Variants in NPAS3 observed in about 807,000 individuals in gnomAD.
NPAS3 encodes neuronal PAS domain protein 3.
In NPAS3, 14 loss-of-function variants were observed where a neutral mutation model predicts 73.1. The observed-to-expected ratio is 0.19, with a 90% CI of 0.13 to 0.30. NPAS3 has a LOEUF of 0.30. Among genes scored for constraint, NPAS3 ranks in the 10% least tolerant of loss-of-function variants. The pLI is 1.00. For synonymous variants in NPAS3, 620 were observed against 541.5 expected, an observed-to-expected ratio of 1.14 and a Z score of -2.01; for missense variants, 1,096 against 1,250.0, an observed-to-expected ratio of 0.88 and a Z score of 1.86.
chr14:33,325,164 TA>T (rs1008829041), intron 3 of NPAS3, among the ~76,000 whole-genome samples: 2 of 151,622 alleles, frequency 1.3e-5, no homozygotes, highest in African/African-American at 2.4e-5. Flanking sequence ...ATTTTTTTTT[TA>T]AAAAATTAAT....
At chr14:33,195,254 G>T (rs936921848) in intron 2 of NPAS3, among the ~76,000 whole-genome samples, 1 of 151,890 alleles carries the variant, frequency 6.6e-6, no homozygotes, top group Non-Finnish European at 1.5e-5. Flanking sequence ...ATTTAAAAAA[G>T]GGTTTTTTTT....
intron 3 of NPAS3, among the ~76,000 whole-genome samples, chr14:33,287,503 G>A (rs1474743799): frequency 1.3e-5 from 2 of 152,256 alleles, no homozygotes; most frequent in African/African-American, 4.8e-5. Flanking sequence ...CTGACTCCAC[G>A]TGGCTGCTGT....
chr14:33,459,007 T>C (rs1372223223), intron 4 of NPAS3, among the ~76,000 whole-genome samples: 1 of 152,228 alleles, frequency 6.6e-6, no homozygotes, highest in East Asian at 1.9e-4. Flanking sequence ...CCCATTTTTA[T>C]GGTTGTTTCT....
At chr14:33,210,490 C>G (rs573982078) in intron 2 of NPAS3, among the ~76,000 whole-genome samples, 1 of 152,302 alleles carries the variant, frequency 6.6e-6, no homozygotes, top group South Asian at 2.1e-4. Context: ...CTGGGCACCA[C>G]TTGTCCTGGG....
intron 3 of NPAS3, among the ~76,000 whole-genome samples, chr14:33,365,650 GA>G (rs1195661593): frequency 1.3e-5 from 2 of 151,912 alleles, no homozygotes; most frequent in Non-Finnish European, 2.9e-5. Flanking sequence ...TTTTCCCATT[GA>G]AAAAAATGCC....
chr14:33,300,006 G>C (rs1248877742), intron 3 of NPAS3, among the ~76,000 whole-genome samples: 1 of 152,100 alleles, frequency 6.6e-6, no homozygotes, highest in Non-Finnish European at 1.5e-5. Flanking sequence ...TTTGAAGAAT[G>C]ACAAGATTTG....
chr14:33,650,665 A>G (rs1179201784), intron 5 of NPAS3, among the ~76,000 whole-genome samples: 1 of 152,070 alleles, frequency 6.6e-6, no homozygotes, highest in Non-Finnish European at 1.5e-5. Context: ...AATAAAAGAC[A>G]TCCCCTCACA....
intron 3 of NPAS3, among the ~76,000 whole-genome samples, chr14:33,352,629 T>C (rs750480280): frequency 6.6e-6 from 1 of 152,222 alleles, no homozygotes; most frequent in Non-Finnish European, 1.5e-5. Context: ...ATTGTGCTTT[T>C]CATACTAAAC....
chr14:33,468,480 G>T (rs563154694), intron 4 of NPAS3, among the ~76,000 whole-genome samples: 10 of 152,098 alleles, frequency 6.6e-5, no homozygotes, highest in Admixed American at 5.9e-4. Flanking sequence ...TCTTTGGAGG[G>T]TCTCTTTTTT....
At chr14:33,347,568 G>A (rs2044801728) in intron 3 of NPAS3, among the ~76,000 whole-genome samples, 1 of 152,242 alleles carries the variant, frequency 6.6e-6, no homozygotes, top group Non-Finnish European at 1.5e-5. Flanking sequence ...TGTATAAAAT[G>A]AGTTGAGGGT....
At chr14:33,038,632 G>C (rs1353007642) in intron 1 of NPAS3, among the ~76,000 whole-genome samples, 1 of 152,126 alleles carries the variant, frequency 6.6e-6, no homozygotes, top group Non-Finnish European at 1.5e-5. Flanking sequence ...TTCCATGATA[G>C]TTGGATAGCA....
At chr14:33,110,566 C>CT (rs1358353386) in intron 2 of NPAS3, among the ~76,000 whole-genome samples, 11 of 152,010 alleles carry the variant, frequency 7.2e-5, no homozygotes, top group African/African-American at 2.7e-4. Context: ...ACTAATAATC[C>CT]TTAGAATATA....
rs534048079 is a variant in NPAS3 at position 33,005,997 on chromosome 14, C to T, written c.51-49908C>T. Among the ~76,000 whole-genome samples the T allele has an allele frequency of 3.3e-5, 5 of 152,310 alleles. No individual in the cohort carries two copies. In the South Asian group the frequency reaches 1.0e-3, roughly 32 times the overall value. ...AACTCCCTCCCCATGAGCCAGCTGG[C>T]TGACCAGAAGGCGGGGAGCCATTGA... On this transcript the variant is annotated intron_variant, in intron 1 of 11. Coordinates refer to ENST00000356141, the Ensembl canonical transcript of NPAS3.
At chr14:33,100,748 G>A (rs990475925) in intron 2 of NPAS3, among the ~76,000 whole-genome samples, 1 of 152,098 alleles carries the variant, frequency 6.6e-6, no homozygotes, top group Non-Finnish European at 1.5e-5. Flanking sequence ...TGAGCAATTA[G>A]GTCAGTTTTA....
At chr14:33,373,910 G>C (rs1013987455) in intron 4 of NPAS3, among the ~76,000 whole-genome samples, 1 of 152,108 alleles carries the variant, frequency 6.6e-6, no homozygotes, top group South Asian at 2.1e-4. Flanking sequence ...GAAAAGGCTA[G>C]GTACGATGGT....
chr14:33,121,150 C>G (rs1026406304), intron 2 of NPAS3, among the ~76,000 whole-genome samples: 2 of 152,084 alleles, frequency 1.3e-5, no homozygotes, highest in African/African-American at 4.8e-5. Flanking sequence ...CACACTGACC[C>G]AAAATCATAC....
intron 3 of NPAS3, among the ~76,000 whole-genome samples, chr14:33,259,004 G>A (rs1277359912): frequency 1.3e-5 from 2 of 152,114 alleles, no homozygotes; most frequent in African/African-American, 2.4e-5. Flanking sequence ...TAGTAGAGAC[G>A]AGGTTTCACC....
intron 4 of NPAS3, among the ~76,000 whole-genome samples, chr14:33,368,041 C>T (rs1446734420): frequency 6.6e-6 from 1 of 151,998 alleles, no homozygotes; most frequent in Admixed American, 6.6e-5. Flanking sequence ...TTTTTTTAAT[C>T]TGTGGAAGAT....
chr14:33,778,919 C>T (rs1248322566), intron 9 of NPAS3, among the ~76,000 whole-genome samples: 1 of 152,134 alleles, frequency 6.6e-6, no homozygotes, highest in East Asian at 1.9e-4. Context: ...AATTTGTGGT[C>T]TCAGTTTCAA....
Sources: gnomAD v4.1 joint callset for allele counts (sites outside exome capture counted in the v4.1 genomes callset) on GRCh38, gnomAD v4.1.1 for gene constraint, MANE v1.5 for transcripts, NCBI Gene and HGNC (gene_info 2026-07-23, HGNC 2026-07-21) for gene names.